Variants in EYS observed in about 807,000 individuals in gnomAD.
EYS encodes the protein protein eyes shut homolog.
In EYS, 250 loss-of-function variants were observed where a neutral mutation model predicts 282.1. The observed-to-expected ratio is 0.89, with a 90% CI of 0.80 to 0.98. The LOEUF (loss-of-function observed/expected upper bound fraction) is 0.98. Ranked by LOEUF, EYS falls within the 50% of genes least tolerant of loss-of-function variation. The pLI is 0.00. For missense variants in EYS, 4,016 were observed against 3,709.0 expected (o/e 1.08, Z -2.15); for synonymous variants, 1,355 against 1,282.9 (o/e 1.06, Z -1.20).
intron 35 of EYS, among the ~76,000 whole-genome samples, chr6:63,966,598 G>T (rs1766322427): frequency 6.6e-6 from 1 of 152,204 alleles, no homozygotes; most frequent in Non-Finnish European, 1.5e-5. Context: ...AAGGGTGAAA[G>T]TATACAGCAG....
chr6:64,387,314 T>C (rs1772946419), intron 29 of EYS, among the ~76,000 whole-genome samples: 1 of 152,178 alleles, frequency 6.6e-6, no homozygotes, highest in South Asian at 2.1e-4. Flanking sequence ...TTTCTATTTT[T>C]CTATATTGCT....
intron 35 of EYS, among the ~76,000 whole-genome samples, chr6:63,971,452 T>C (rs546777323): frequency 2.6e-5 from 4 of 152,348 alleles, no homozygotes; most frequent in South Asian, 4.1e-4. Flanking sequence ...TTCTAGATTA[T>C]AGAAAATAGC....
intron 34 of EYS, among the ~76,000 whole-genome samples, chr6:63,986,088 A>C (rs1334873204): frequency 6.6e-6 from 1 of 151,834 alleles, no homozygotes; most frequent in Non-Finnish European, 1.5e-5. Flanking sequence ...AGAGAAAAAC[A>C]ACCCCATTTG....
intron 12 of EYS, among the ~76,000 whole-genome samples, chr6:65,077,777 T>A (rs148697980): frequency 2.6e-5 from 4 of 152,104 alleles, no homozygotes; most frequent in Admixed American, 6.6e-5. Context: ...ATTTCATTTA[T>A]TTGATCTTAA....
In EYS at chr6:64,641,110, C is replaced by G. The variant is rs528522918; in HGVS notation, c.3444-14865G>C. ...TTTCATTCTGTTGATAATGACATAC[C>G]CAAGACTGGGCAATTTACAAAAGAA... On this transcript the variant is annotated intron_variant, in intron 22 of 42. Coordinates refer to ENST00000503581, the MANE Select transcript of EYS (RefSeq NM_001142800.2). 1.2e-4 allele frequency among the ~76,000 whole-genome samples: 18 copies of G among 152,134 alleles called. No individual in the cohort carries two copies. In the South Asian group the frequency reaches 3.5e-3, roughly 30 times the overall value.
At chr6:64,548,075 G>A (rs545260595) in intron 26 of EYS, among the ~76,000 whole-genome samples, 163 of 152,268 alleles carry the variant, frequency 1.1e-3, no homozygotes, top group African/African-American at 3.5e-3. Context: ...TGATAGAGCC[G>A]GCTCCAGCCT....
chr6:65,136,997 T>C (rs896655014), intron 12 of EYS, among the ~76,000 whole-genome samples: 1 of 152,074 alleles, frequency 6.6e-6, no homozygotes, highest in African/African-American at 2.4e-5. Context: ...ATTTCTTTTT[T>C]AATTCAAAAA....
intron 23 of EYS, among the ~76,000 whole-genome samples, chr6:64,623,134 T>C (rs930513049): frequency 6.6e-6 from 1 of 152,286 alleles, no homozygotes; most frequent in South Asian, 2.1e-4. Context: ...GATTGGTCAA[T>C]TCAATTTTTT....
rs1402453575 is a variant in EYS, at chr6:65,639,591, T to G, written c.-333+187A>C. On this transcript the variant is annotated intron_variant, in intron 2 of 42. Coordinates refer to ENST00000503581, the MANE Select transcript of EYS (RefSeq NM_001142800.2). ...CAGCACACTTTTAGCGGATCTAAAG[T>G]GAATTTAAGAGGTAGGAACCATTTA... is the stretch of plus-strand genomic sequence containing the variant. Among the ~76,000 whole-genome samples the G allele has an allele frequency of 2.0e-5, 3 of 152,250 alleles. No homozygotes were observed. The East Asian group carries it at 5.8e-4, about 29-fold the overall frequency.
At chr6:63,840,267 T>C (rs1395909459) in intron 36 of EYS, among the ~76,000 whole-genome samples, 1 of 150,832 alleles carries the variant, frequency 6.6e-6, no homozygotes, top group Non-Finnish European at 1.5e-5. Flanking sequence ...GGTTTCGCTG[T>C]GTTAGCCAGG....
chr6:65,668,258 T>C (rs913006587), intron 1 of EYS, among the ~76,000 whole-genome samples: 20 of 151,920 alleles, frequency 1.3e-4, no homozygotes, highest in African/African-American at 4.3e-4. Context: ...CATATGTGTT[T>C]AAAAGTACCC....
chr6:63,935,203 C>T (rs1388557213), intron 35 of EYS, among the ~76,000 whole-genome samples: 1 of 152,230 alleles, frequency 6.6e-6, no homozygotes, highest in Non-Finnish European at 1.5e-5. Context: ...AAAGCAGGAG[C>T]TTGTCTGCCT....
intron 19 of EYS, among the ~76,000 whole-genome samples, chr6:64,880,794 T>C (rs1766890581): frequency 6.7e-6 from 1 of 149,628 alleles, no homozygotes; most frequent in African/African-American, 2.4e-5. Flanking sequence ...TGTGTTTATA[T>C]TTTACACACA....
chr6:65,246,589 A>AT (rs898563733), intron 12 of EYS, among the ~76,000 whole-genome samples: 7 of 151,842 alleles, frequency 4.6e-5, no homozygotes, highest in Admixed American at 3.9e-4. Flanking sequence ...CCATAGTAAT[A>AT]TTTTTTTCCT....
chr6:63,731,832 C>T (rs1292230627), intron 41 of EYS, among the ~76,000 whole-genome samples: 1 of 152,116 alleles, frequency 6.6e-6, no homozygotes, highest in Admixed American at 6.6e-5. Flanking sequence ...TATTTTCCCT[C>T]TCCCTCTTGA....
chr6:65,292,847 G>T (rs1768564210), intron 12 of EYS, among the ~76,000 whole-genome samples: 1 of 151,692 alleles, frequency 6.6e-6, no homozygotes, highest in Non-Finnish European at 1.5e-5. Flanking sequence ...AGGTAACTTA[G>T]ACCTAAAAAT....
At chr6:65,665,914 T>G (rs1282800579) in intron 1 of EYS, among the ~76,000 whole-genome samples, 1 of 152,046 alleles carries the variant, frequency 6.6e-6, no homozygotes, top group Non-Finnish European at 1.5e-5. Flanking sequence ...ACACTCCCAG[T>G]TATTTGTGTC....
intron 29 of EYS, among the ~76,000 whole-genome samples, chr6:64,335,035 A>T (rs911350695): frequency 2.0e-5 from 3 of 152,102 alleles, no homozygotes; most frequent in Non-Finnish European, 2.9e-5. Context: ...CACCCGAATA[A>T]TGGTTCTGCA....
intron 30 of EYS, among the ~76,000 whole-genome samples, chr6:64,282,534 A>G (rs892507501): frequency 4.6e-5 from 7 of 152,056 alleles, no homozygotes; most frequent in African/African-American, 1.7e-4. Context: ...TCTTTAGATG[A>G]CTCCAGCTGC....
Sources: gnomAD v4.1 joint callset for allele counts (sites outside exome capture counted in the v4.1 genomes callset) on GRCh38, gnomAD v4.1.1 for gene constraint, MANE v1.5 for transcripts, NCBI Gene and HGNC (gene_info 2026-07-23, HGNC 2026-07-21) for gene names.